DOCK1: variants seen among roughly 807,000 people sequenced by gnomAD.
The protein encoded by DOCK1 is dedicator of cytokinesis protein 1.
A neutral mutation model predicts 262.7 loss-of-function variants in DOCK1; 138 were observed. The ratio of observed to expected loss-of-function variants is 0.53; its 90% CI spans 0.46 to 0.61. The LOEUF (loss-of-function observed/expected upper bound fraction) is 0.61. Among genes scored for constraint, DOCK1 ranks in the 20% least tolerant of loss-of-function variants. The probability of loss-of-function intolerance (pLI) is 0.00; values close to 1 mark genes in which losing one functional copy is unlikely to be tolerated. For missense variants in DOCK1, 1,908 were observed against 2,370.7 expected, an observed-to-expected ratio of 0.80 and a Z score of 4.05; for synonymous variants, 866 against 867.4, an observed-to-expected ratio of 1.00 and a Z score of 0.03.
chr10:127,187,779 AAAGC>A (rs142757297), intron 27 of DOCK1, among the ~76,000 whole-genome samples: 14,533 of 151,772 alleles, frequency 0.096, 2,025 homozygotes, highest in African/African-American at 0.31. Context: ...AAGAGAGAGA[AAAGC>A]AAGCAAGCAA....
chr10:127,065,800 G>T (rs7075335), intron 23 of DOCK1, among the ~76,000 whole-genome samples: 33,615 of 151,698 alleles, frequency 0.22, 3,789 homozygotes, highest in East Asian at 0.25. Context: ...GTTGCAGTGA[G>T]CCGAGATCGC....
chr10:127,443,359 G>T (rs2070316420), intron 49 of DOCK1, among the ~76,000 whole-genome samples: 1 of 146,564 alleles, frequency 6.8e-6, no homozygotes, highest in Admixed American at 6.8e-5. Context: ...AATAAAAGTA[G>T]CATGGACTCT....
chr10:127,342,709 T>C (rs1003581170), intron 30 of DOCK1, among the ~76,000 whole-genome samples: 54 of 152,306 alleles, frequency 3.5e-4, no homozygotes, highest in Non-Finnish European at 1.5e-5. Context: ...ATACATATTA[T>C]CCCTGGTTTG....
intron 30 of DOCK1, among the ~76,000 whole-genome samples, chr10:127,343,401 G>A (rs1012998478): frequency 1.3e-5 from 2 of 152,204 alleles, no homozygotes; most frequent in African/African-American, 4.8e-5. Flanking sequence ...GGCAGAGAGA[G>A]GTTAGAGTCT....
At chr10:127,031,947 A>G (rs1190200216) in intron 17 of DOCK1, among the ~76,000 whole-genome samples, 190 bp from the exon 18 acceptor site, 1 of 152,248 alleles carries the variant, frequency 6.6e-6, no homozygotes, top group Non-Finnish European at 1.5e-5. Flanking sequence ...CAATATAACA[A>G]TAGGTGCCAT....
chr10:127,328,496 A>G (rs2062836905), intron 29 of DOCK1, among the ~76,000 whole-genome samples: 1 of 152,200 alleles, frequency 6.6e-6, no homozygotes, highest in Non-Finnish European at 1.5e-5. Flanking sequence ...GTTGTAGACC[A>G]GGGGCCATTG....
chr10:127,169,553 C>A (rs894218233), intron 27 of DOCK1, among the ~76,000 whole-genome samples: 18 of 152,220 alleles, frequency 1.2e-4, no homozygotes, highest in African/African-American at 4.3e-4. Context: ...CCAAATCTGG[C>A]TACCACCTGT....
In DOCK1 at chr10:127,419,756, TG is replaced by T. The variant is rs757219520; in HGVS notation, c.4776+8del. The T allele has an allele frequency of 2.0e-5, 31 of 1,585,258 alleles. No homozygotes were observed. Among genetic ancestry groups the T allele is most frequent in the Non-Finnish European group, 2.7e-5 (31 of 1,165,156 alleles). On this transcript the variant is annotated splice_region_variant and intron_variant, in intron 46 of 51. Transcript: ENST00000623213. ...GGACCTGATTGCTTGGCAGGTAAAG[TG>T]TCCAGCAAGAGTCCTGCATGGCTGG...
At chr10:127,080,824 C>T (rs1326455519) in intron 23 of DOCK1, among the ~76,000 whole-genome samples, 1 of 152,126 alleles carries the variant, frequency 6.6e-6, no homozygotes, top group Non-Finnish European at 1.5e-5. Flanking sequence ...TTTTATTTGT[C>T]ATAAGCGAGG....
intron 33 of DOCK1, among the ~76,000 whole-genome samples, chr10:127,366,844 GT>G (rs1033084114): frequency 2.6e-5 from 4 of 152,038 alleles, no homozygotes; most frequent in Non-Finnish European, 5.9e-5. Flanking sequence ...AGGGGCTTAA[GT>G]TTTTTTTATA....
chr10:127,339,657 G>GCA (rs1488747431), intron 30 of DOCK1, among the ~76,000 whole-genome samples: 15 of 148,530 alleles, frequency 1.0e-4, no homozygotes, highest in Non-Finnish European at 2.1e-4. Context: ...GTGCGCGCGC[G>GCA]CATGCATGCT....
chr10:126,969,365 T>C (rs1448851416), intron 1 of DOCK1, among the ~76,000 whole-genome samples: 3 of 152,190 alleles, frequency 2.0e-5, no homozygotes. Flanking sequence ...TTCTGGACTT[T>C]ACAGCCTGAG....
intron 38 of DOCK1, among the ~76,000 whole-genome samples, chr10:127,401,594 A>T (rs1462139606): frequency 1.3e-5 from 2 of 152,110 alleles, no homozygotes; most frequent in Non-Finnish European, 2.9e-5. Flanking sequence ...CTCAATTCAC[A>T]TGCTTGGGCC....
intron 6 of DOCK1, among the ~76,000 whole-genome samples, chr10:126,991,850 T>C (rs980926082): frequency 6.6e-6 from 1 of 152,118 alleles, no homozygotes; most frequent in Non-Finnish European, 1.5e-5. Flanking sequence ...GTTTTAAAAA[T>C]AGAGTTGGGT....
rs1042534379 is a variant in DOCK1 at position 127,446,535 on chromosome 10, C to A, written c.5414-859C>A. On this transcript the variant is annotated intron_variant, in intron 50 of 51. Transcript: ENST00000623213. The surrounding 1 kb of genome is among the most constrained non-coding windows in gnomAD (Gnocchi z 4.4). The stretch of plus-strand genomic sequence containing the variant: ...TCATGAGGACAGTCACTCACCGAAG[C>A]CTTCGTATTTCCCTCAGCCCCATGG... 6.6e-6 allele frequency among the ~76,000 whole-genome samples: 1 copy of A among 152,120 alleles called. No homozygotes were observed. The highest frequency in any genetic ancestry group is 2.4e-5 in the African/African-American group (1 of 41,440).
chr10:127,120,886 C>G (rs1485793942), intron 25 of DOCK1, among the ~76,000 whole-genome samples: 1 of 152,004 alleles, frequency 6.6e-6, no homozygotes, highest in African/African-American at 2.4e-5. Flanking sequence ...AATACTATAC[C>G]TTCTGTTAAC....
chr10:127,366,268 A>G (rs114037485), intron 33 of DOCK1, among the ~76,000 whole-genome samples: 1,694 of 152,164 alleles, frequency 0.011, 36 homozygotes, highest in African/African-American at 0.039. Flanking sequence ...TCCCTCTTGT[A>G]TGTTAATCTG....
rs1400005091 is a variant in DOCK1 at position 127,187,744 on chromosome 10, AAGAG to A, written c.2847+59984_2847+59987del. On this transcript the variant is annotated intron_variant, in intron 27 of 51. Coordinates refer to ENST00000623213, the MANE Select transcript of DOCK1 (RefSeq NM_001290223.2). Reference sequence around the variant, plus strand: ...GAAGAAAGAGAGAAAGAAAGAAAGAAAGAGAGAAAGAGAGAAAGAAAGAAAAGAG... The same window carrying A: ...GAAGAAAGAGAGAAAGAAAGAAAGAAAGAAAGAGAGAAAGAAAGAAAAGAG... Among the ~76,000 whole-genome samples, 9 of 40,172 alleles carry A rather than the reference AAGAG, an allele frequency of 2.2e-4. No homozygotes were observed. In the East Asian group the frequency reaches 7.3e-3, roughly 33 times the overall value. 26.4% of individuals were successfully genotyped at this position (40,172 alleles called of 152,430 possible).
chr10:127,448,313 C>T (rs1018079338), intron 51 of DOCK1, among the ~76,000 whole-genome samples: 12 of 152,230 alleles, frequency 7.9e-5, no homozygotes, highest in Admixed American at 7.8e-4. Flanking sequence ...TGCCAAACAG[C>T]CCCTGGGCCT....
Sources: allele counts gnomAD v4.1 joint callset (sites outside exome capture counted in the v4.1 genomes callset), GRCh38; gene constraint gnomAD v4.1.1; non-coding constraint Gnocchi (gnomAD v3.1); transcripts MANE v1.5; gene names NCBI Gene and HGNC (gene_info 2026-07-23, HGNC 2026-07-21).